RALGAPA2: variants seen among roughly 807,000 people sequenced by gnomAD.
The protein encoded by RALGAPA2 is Ral GTPase activating protein catalytic subunit alpha 2, also known as ral GTPase-activating protein subunit alpha-2.
In RALGAPA2, 139 loss-of-function variants were observed where a neutral mutation model predicts 230.4. The ratio of observed to expected loss-of-function variants is 0.60; its 90% CI spans 0.53 to 0.69. The LOEUF (loss-of-function observed/expected upper bound fraction) is 0.69, where lower values mean the gene tolerates loss of function less well. RALGAPA2 is among the 30% of genes least tolerant of loss of function. RALGAPA2 has a pLI of 0.00. For synonymous variants in RALGAPA2, 847 were observed against 837.8 expected (o/e 1.01, Z -0.19); for missense variants, 2,163 against 2,276.0 (o/e 0.95, Z 1.01).
rs1263968661 is a variant in RALGAPA2 at position 20,391,876 on chromosome 20, C to G, written c.*1413G>C. On this transcript the variant is annotated 3_prime_UTR_variant, in exon 40 of 40. Transcript: ENST00000202677. ...GCCCTGAGTTAGGGGCTGCGTCTCT[C>G]GTGCTGCTGTCCCTTCCCACTGCAG... 1 of 152,552 alleles carries G rather than the reference C, an allele frequency of 6.6e-6. No individual in the cohort carries two copies. The highest frequency in any genetic ancestry group is 6.5e-5 in the Admixed American group (1 of 15,296). The allele number at this position is 152,552 out of a possible 1,614,324, so 9.4% of individuals were successfully genotyped here.
At chr20:20,533,786 A>T (rs2063427973) in intron 26 of RALGAPA2, among the ~76,000 whole-genome samples, 1 of 152,208 alleles carries the variant, frequency 6.6e-6, no homozygotes. Context: ...AGACATTTTG[A>T]TCCACAATGC....
At chr20:20,531,548 G>A (rs2063367405) in intron 27 of RALGAPA2, 139 bp downstream of exon 27, 1 of 759,080 alleles carries the variant, frequency 1.3e-6, no homozygotes, top group Non-Finnish European at 2.2e-6. Flanking sequence ...CCCCTCCCGG[G>A]AGCCTCACAG....
intron 13 of RALGAPA2, among the ~76,000 whole-genome samples, chr20:20,615,253 C>T (rs573350528): frequency 5.9e-5 from 9 of 151,804 alleles, no homozygotes; most frequent in Admixed American, 3.9e-4. Flanking sequence ...CTCCGCCTTC[C>T]GGGTTCAAGC....
At chr20:20,652,200 AGGATTTAGAATTTT>A (rs2067423724) in intron 4 of RALGAPA2, among the ~76,000 whole-genome samples, 1 of 152,214 alleles carries the variant, frequency 6.6e-6, no homozygotes, top group African/African-American at 2.4e-5. Flanking sequence ...AATGAAATTT[AGGATTTAGAATTTT>A]GGAATATCCA....
intron 1 of RALGAPA2, among the ~76,000 whole-genome samples, chr20:20,682,561 T>A (rs1351538681): frequency 6.6e-6 from 1 of 152,174 alleles, no homozygotes; most frequent in Non-Finnish European, 1.5e-5. Flanking sequence ...TGGCCCCCAC[T>A]CTATGCTTCC....
chr20:20,611,171 T>C (rs1311246712), intron 14 of RALGAPA2, 144 bp downstream of exon 14: 2 of 1,201,034 alleles, frequency 1.7e-6, no homozygotes, highest in Non-Finnish European at 2.2e-6. Flanking sequence ...GAACAGATCA[T>C]AACCTTCAGG....
intron 37 of RALGAPA2, among the ~76,000 whole-genome samples, chr20:20,465,022 T>C (rs2061384307): frequency 6.6e-6 from 1 of 152,152 alleles, no homozygotes; most frequent in African/African-American, 2.4e-5. Context: ...TATTTCACCT[T>C]AGGCAATTAA....
rs139955687 is a variant in RALGAPA2 at position 20,650,199 on chromosome 20, G to A, written c.328+3331C>T. On this transcript the variant is annotated intron_variant, in intron 4 of 39. Coordinates refer to ENST00000202677, the MANE Select transcript of RALGAPA2 (RefSeq NM_020343.4). The stretch of plus-strand genomic sequence containing the variant: ...TCCTCATTCAACGATTTAAAGCAAG[G>A]AGCCAGCCATTAAAAACCAAAACAA... Among the ~76,000 whole-genome samples, 1,101 of 152,176 alleles carry A rather than the reference G, an allele frequency of 7.2e-3. 11 individuals carry two copies. Among genetic ancestry groups the A allele is most frequent in the African/African-American group, 0.025 (1,057 of 41,506 alleles).
intron 23 of RALGAPA2, among the ~76,000 whole-genome samples, chr20:20,559,576 T>C (rs547604831): frequency 2.0e-5 from 3 of 152,278 alleles, no homozygotes; most frequent in African/African-American, 7.2e-5. Context: ...GGTGGACAAA[T>C]AGCTTGCTGC....
At chr20:20,453,961 A>G (rs2061048426) in intron 37 of RALGAPA2, among the ~76,000 whole-genome samples, 1 of 152,214 alleles carries the variant, frequency 6.6e-6, no homozygotes. Flanking sequence ...CCTAAGTAAA[A>G]GACATTTTAC....
chr20:20,459,637 A>C (rs1294444128), intron 37 of RALGAPA2, among the ~76,000 whole-genome samples: 1 of 152,098 alleles, frequency 6.6e-6, no homozygotes, highest in Non-Finnish European at 1.5e-5. Context: ...TTGCGCCCTG[A>C]AAAAATGCCT....
chr20:20,706,712 C>T (rs1381900633), intron 1 of RALGAPA2, among the ~76,000 whole-genome samples: 1 of 152,142 alleles, frequency 6.6e-6, no homozygotes, highest in Non-Finnish European at 1.5e-5. Context: ...GATTTTGTTT[C>T]TATGTTATCA....
chr20:20,458,653 G>A (rs1223940359), intron 37 of RALGAPA2, among the ~76,000 whole-genome samples: 1 of 134,884 alleles, frequency 7.4e-6, no homozygotes, highest in Non-Finnish European at 1.6e-5. Context: ...CAAGGGGCTG[G>A]CAGTAGAGCC....
intron 23 of RALGAPA2, among the ~76,000 whole-genome samples, chr20:20,560,133 CA>C (rs1454017924): frequency 1.3e-5 from 2 of 152,008 alleles, no homozygotes; most frequent in Non-Finnish European, 2.9e-5. Context: ...ACCAAGAGCA[CA>C]GGGCTCTTGC....
intron 3 of RALGAPA2, among the ~76,000 whole-genome samples, chr20:20,655,725 TAA>T (rs2067568075): frequency 6.6e-6 from 1 of 152,046 alleles, no homozygotes; most frequent in African/African-American, 2.4e-5. Context: ...ACACAGTCAC[TAA>T]AGAGAGGCAA....
intron 1 of RALGAPA2, among the ~76,000 whole-genome samples, chr20:20,681,837 C>T (rs1256449854): frequency 6.6e-6 from 1 of 151,988 alleles, no homozygotes; most frequent in Non-Finnish European, 1.5e-5. Flanking sequence ...TCAGCCTGGG[C>T]AAGAGTGAAA....
rs2065125226 is a variant in RALGAPA2 at position 20,586,073 on chromosome 20, C to A, written c.2440-1118G>T. Reference sequence around the variant, plus strand: ...CTAATGTGCTAAGAGGAAATATGCACAGAATATTTCCTTAGTTAAAAAACA... The same window carrying A: ...CTAATGTGCTAAGAGGAAATATGCAAAGAATATTTCCTTAGTTAAAAAACA... On this transcript the variant is annotated intron_variant, in intron 18 of 39. Coordinates refer to ENST00000202677, the MANE Select transcript of RALGAPA2 (RefSeq NM_020343.4). 2.0e-5 allele frequency among the ~76,000 whole-genome samples: 3 copies of A among 152,092 alleles called. No homozygotes were observed. The South Asian group carries it at 6.2e-4, about 32-fold the overall frequency.
At chr20:20,653,701 C>T in intron 3 of RALGAPA2, 114 bp from the exon 4 acceptor site, 1 of 604,248 alleles carries the variant, frequency 1.7e-6, no homozygotes, top group Non-Finnish European at 2.9e-6. Context: ...AAACTATGTA[C>T]AATAACATAA....
intron 34 of RALGAPA2, among the ~76,000 whole-genome samples, chr20:20,503,733 C>A (rs1451010401): frequency 6.6e-6 from 1 of 152,114 alleles, no homozygotes; most frequent in Non-Finnish European, 1.5e-5. Context: ...AAAACCACTA[C>A]CAAACTTTTG....
Sources: gnomAD v4.1 joint callset for allele counts (sites outside exome capture counted in the v4.1 genomes callset) on GRCh38, gnomAD v4.1.1 for gene constraint, MANE v1.5 for transcripts, NCBI Gene and HGNC (gene_info 2026-07-23, HGNC 2026-07-21) for gene names.